TENM4: variants seen among roughly 807,000 people sequenced by gnomAD.
TENM4 encodes the protein teneurin-4.
In TENM4, 82 loss-of-function variants were observed where a neutral mutation model predicts 243.3. The ratio of observed to expected loss-of-function variants is 0.34; its 90% CI spans 0.28 to 0.40. The LOEUF is 0.40. TENM4 is among the 10% of genes least tolerant of loss of function. The pLI is 1.00. For missense variants in TENM4, 3,138 were observed against 3,673.3 expected, an observed-to-expected ratio of 0.85 and a Z score of 3.77; for synonymous variants, 1,412 against 1,456.3, an observed-to-expected ratio of 0.97 and a Z score of 0.69.
rs79260833 is a variant in TENM4, at chr11:78,672,810, C to T, written c.5497-481G>A. Among the ~76,000 whole-genome samples, 51 of 152,216 alleles carry T rather than the reference C, an allele frequency of 3.4e-4. No homozygotes were observed. The East Asian group carries it at 8.3e-3, about 25-fold the overall frequency. On this transcript the variant is annotated intron_variant, in intron 30 of 33. Coordinates refer to ENST00000278550, the MANE Select transcript of TENM4 (RefSeq NM_001098816.3). ...CCTGGATCTCGTGGCTGGTGAGTGA[C>T]GGAGTCTGGACTTGACTCTCACACA... is the stretch of plus-strand genomic sequence containing the variant.
intron 2 of TENM4, among the ~76,000 whole-genome samples, chr11:79,281,217 T>C (rs781003191): frequency 6.6e-6 from 1 of 152,174 alleles, no homozygotes; most frequent in Non-Finnish European, 1.5e-5. Flanking sequence ...ATTATTATAC[T>C]TACTCCTCTC....
At chr11:79,344,343 G>A (rs1857291940) in intron 1 of TENM4, among the ~76,000 whole-genome samples, 2 of 152,140 alleles carry the variant, frequency 1.3e-5, no homozygotes, top group Non-Finnish European at 1.5e-5. Flanking sequence ...GGCTAGGGGA[G>A]GTGAGGTGAG....
At chr11:78,859,415 C>T (rs563448635) in intron 10 of TENM4, among the ~76,000 whole-genome samples, 6 of 152,152 alleles carry the variant, frequency 3.9e-5, no homozygotes, top group Non-Finnish European at 8.8e-5. Flanking sequence ...TGATAATAGT[C>T]CTTTGCTTTG....
intron 4 of TENM4, chr11:79,096,310 G>A (rs1463810698): frequency 1.3e-5 from 2 of 152,270 alleles, no homozygotes; most frequent in African/African-American, 4.8e-5. Flanking sequence ...GCACCAGGCT[G>A]ACATCGAGTA....
At chr11:79,057,127 T>C (rs1859964227) in intron 6 of TENM4, among the ~76,000 whole-genome samples, 1 of 152,224 alleles carries the variant, frequency 6.6e-6, no homozygotes, top group South Asian at 2.1e-4. Context: ...CCTGGATGAC[T>C]GCAATAGCTG....
At chr11:79,246,356 CA>C (rs1565266813) in intron 2 of TENM4, among the ~76,000 whole-genome samples, 1 of 152,076 alleles carries the variant, frequency 6.6e-6, no homozygotes, top group Admixed American at 6.6e-5. Flanking sequence ...GACAAGTCAG[CA>C]AACTTTGGAA....
At chr11:79,186,897 C>T (rs891807563) in intron 3 of TENM4, among the ~76,000 whole-genome samples, 1 of 152,126 alleles carries the variant, frequency 6.6e-6, no homozygotes, top group African/African-American at 2.4e-5. Flanking sequence ...CCCTCGGAGC[C>T]CGATTCTCTG....
chr11:78,812,261 C>T lies in TENM4; in HGVS notation c.1839G>A (p.Leu613=). The T allele has an allele frequency of 1.9e-6, 3 of 1,552,036 alleles. No homozygotes were observed. Among genetic ancestry groups the T allele is most frequent in the Non-Finnish European group, 2.6e-6 (3 of 1,147,164 alleles). The change falls in exon 14 of 34, where the codon TTG becomes TTA. Residue 613 remains leucine, a synonymous_variant. Transcript: ENST00000278550. ...GNGQYMKGRC[L]CHSGWKGAEC... is the part of the protein sequence containing the mutation. Reference sequence around the variant, plus strand: ...CAGCGCCTTTCCAGCCACTGTGGCACAAGCATCTGCCTTTCATGTATTGGC... The same window carrying T: ...CAGCGCCTTTCCAGCCACTGTGGCATAAGCATCTGCCTTTCATGTATTGGC...
chr11:78,926,509 T>C (rs1856553836), intron 6 of TENM4, among the ~76,000 whole-genome samples: 2 of 152,058 alleles, frequency 1.3e-5, no homozygotes, highest in Admixed American at 1.3e-4. Flanking sequence ...CCTGACCTCA[T>C]GATCCGCCCG....
chr11:79,203,803 T>C (rs1195147106), intron 3 of TENM4, among the ~76,000 whole-genome samples: 1 of 152,232 alleles, frequency 6.6e-6, no homozygotes, highest in African/African-American at 2.4e-5. Flanking sequence ...ATAAAAGTTA[T>C]GTGACTATCA....
intron 4 of TENM4, among the ~76,000 whole-genome samples, chr11:79,073,178 G>A (rs10899586): frequency 0.54 from 81,482 of 152,012 alleles, 22,098 homozygotes; most frequent in African/African-American, 0.55. Flanking sequence ...CCCAGGTCAT[G>A]CTATTGTCCT....
chr11:78,797,060 C>T (rs537346963), intron 15 of TENM4, among the ~76,000 whole-genome samples: 1 of 152,366 alleles, frequency 6.6e-6, no homozygotes, highest in African/African-American at 2.4e-5. Context: ...TATCCAAAAC[C>T]TGATACCTGA....
At chr11:78,697,006 G>C (rs776652823) in intron 28 of TENM4, among the ~76,000 whole-genome samples, 2 of 152,168 alleles carry the variant, frequency 1.3e-5, no homozygotes, top group Non-Finnish European at 2.9e-5. Context: ...GGTCTGGGTA[G>C]AGTGGTCAGG....
intron 1 of TENM4, among the ~76,000 whole-genome samples, chr11:79,437,173 T>C (rs1007826048): frequency 6.6e-6 from 1 of 152,180 alleles, no homozygotes; most frequent in African/African-American, 2.4e-5. Context: ...CATTCCCTTA[T>C]AACACCTGGA....
At chr11:78,944,972 A>T (rs1203561410) in intron 6 of TENM4, among the ~76,000 whole-genome samples, 1 of 152,234 alleles carries the variant, frequency 6.6e-6, no homozygotes, top group Non-Finnish European at 1.5e-5. Flanking sequence ...GGATAAAATC[A>T]AATTATTTTC....
chr11:79,269,998 T>C (rs1347311722), intron 2 of TENM4, among the ~76,000 whole-genome samples: 2 of 152,078 alleles, frequency 1.3e-5, no homozygotes, highest in African/African-American at 2.4e-5. Context: ...TCCCAGCAGG[T>C]TCCTTTCCAG....
chr11:78,867,553 A>T (rs771331067), intron 9 of TENM4, among the ~76,000 whole-genome samples: 1 of 152,238 alleles, frequency 6.6e-6, no homozygotes, highest in Non-Finnish European at 1.5e-5. Context: ...CAAAGGACAC[A>T]GCACATTCTC....
rs527413065 is a variant in TENM4 at position 79,079,141 on chromosome 11, C to T, written c.-65-9132G>A. Among the ~76,000 whole-genome samples, 17 of 152,268 alleles carry T rather than the reference C, an allele frequency of 1.1e-4. 1 individual carries two copies. In the East Asian group the frequency reaches 1.4e-3, roughly 12 times the overall value. On this transcript the variant is annotated intron_variant, in intron 4 of 33. Transcript: ENST00000278550. ...GACAGAGACAGGGCTTTCCTGGGAG[C>T]GTGGTGGAGTGTGGCTGTGTGCCCA... is the stretch of plus-strand genomic sequence containing the variant.
intron 19 of TENM4, among the ~76,000 whole-genome samples, chr11:78,755,474 G>A (rs765955850): frequency 6.6e-5 from 10 of 152,020 alleles, no homozygotes; most frequent in African/African-American, 1.4e-4. Flanking sequence ...CAGCCTCCTC[G>A]GGCAACCTTT....
Sources: allele counts gnomAD v4.1 joint callset (sites outside exome capture counted in the v4.1 genomes callset), GRCh38; gene constraint gnomAD v4.1.1; transcripts MANE v1.5; gene names NCBI Gene and HGNC (gene_info 2026-07-23, HGNC 2026-07-21).